CECR2: variants seen among roughly 807,000 people sequenced by gnomAD.
CECR2 encodes the protein chromatin remodeling regulator CECR2.
Under a neutral mutation model 154.5 loss-of-function variants are expected in CECR2, and 30 were observed. The ratio of observed to expected loss-of-function variants is 0.19; its 90% CI spans 0.15 to 0.26. The LOEUF (loss-of-function observed/expected upper bound fraction) is 0.26. Among genes scored for constraint, CECR2 ranks in the 10% least tolerant of loss-of-function variants. The pLI is 1.00. For synonymous variants in CECR2, 725 were observed against 683.7 expected (o/e 1.06, Z -0.94); for missense variants, 1,743 against 1,829.3 (o/e 0.95, Z 0.86).
At chr22:17,424,502 C>G (rs1858758) in intron 1 of CECR2, 87,498 of 154,774 alleles carry the variant, frequency 0.57, 26,381 homozygotes, top group African/African-American at 0.79. Context: ...TGGCCGTTTA[C>G]CATTGCCTGG....
At chr22:17,450,789 C>A (rs1171305094) in intron 1 of CECR2, among the ~76,000 whole-genome samples, 1 of 152,190 alleles carries the variant, frequency 6.6e-6, no homozygotes, top group Non-Finnish European at 1.5e-5. Flanking sequence ...CACACAAAAA[C>A]CTTAGTCTTC....
At chr22:17,410,754 C>G (rs1266560904) in intron 1 of CECR2, among the ~76,000 whole-genome samples, 6 of 152,174 alleles carry the variant, frequency 3.9e-5, no homozygotes, top group African/African-American at 1.2e-4. Flanking sequence ...CCAAAACAAG[C>G]TTTAATTGAA....
chr22:17,371,754 T>G (rs892080719), intron 1 of CECR2, among the ~76,000 whole-genome samples: 6 of 152,282 alleles, frequency 3.9e-5, no homozygotes, highest in African/African-American at 1.4e-4. Context: ...AGTTCAGAGT[T>G]TAAAGACCCA....
Position 17,549,161 on chromosome 22 carries a change from A to G in CECR2, c.3874A>G (p.Ser1292Gly), listed in dbSNP as rs1569159442. 1.2e-6 allele frequency: 2 copies of G among 1,614,028 alleles called. No homozygotes were observed. The highest frequency in any genetic ancestry group is 1.7e-5 in the Admixed American group (1 of 60,024). Residue 1292 changes from serine to glycine, a missense_variant, in exon 17 of 19, where the codon AGT (serine) becomes GGT (glycine). Transcript: ENST00000262608. ...KLDESMERPESPKEFLDLDNH... is the reference protein window; with the variant it reads ...KLDESMERPEGPKEFLDLDNH... The stretch of plus-strand genomic sequence containing the variant: ...GGATGAATCTATGGAGAGGCCAGAG[A>G]GTCCCAAAGAATTTTTAGACCTGGA...
chr22:17,406,875 C>G (rs112040018), intron 1 of CECR2, among the ~76,000 whole-genome samples: 143 of 152,212 alleles, frequency 9.4e-4, no homozygotes, highest in Non-Finnish European at 1.5e-3. Flanking sequence ...TTAAATTAAC[C>G]CTTTACTGCC....
At chr22:17,409,169 T>C (rs1453351042) in intron 1 of CECR2, among the ~76,000 whole-genome samples, 1 of 151,518 alleles carries the variant, frequency 6.6e-6, no homozygotes, top group East Asian at 1.9e-4. Flanking sequence ...AGTCTCACTC[T>C]GTCACCAGGC....
chr22:17,446,451 C>T (rs1256810994), intron 1 of CECR2, among the ~76,000 whole-genome samples: 2 of 152,180 alleles, frequency 1.3e-5, no homozygotes, highest in East Asian at 3.9e-4. Flanking sequence ...GGCGCGGTGG[C>T]TCTTGCCTGT....
chr22:17,530,323 A>G (rs1325475930), intron 9 of CECR2, among the ~76,000 whole-genome samples: 1 of 151,640 alleles, frequency 6.6e-6, no homozygotes, highest in Non-Finnish European at 1.5e-5. Context: ...TTTCAAGGAG[A>G]GGACTCAGAG....
intron 1 of CECR2, among the ~76,000 whole-genome samples, chr22:17,414,221 C>T (rs920023982): frequency 6.6e-6 from 1 of 152,122 alleles, no homozygotes; most frequent in Non-Finnish European, 1.5e-5. Context: ...ATCCGCCCGC[C>T]TTGGCCTCCC....
intron 1 of CECR2, among the ~76,000 whole-genome samples, chr22:17,474,266 T>C (rs766952032): frequency 6.6e-6 from 1 of 152,248 alleles, no homozygotes; most frequent in Non-Finnish European, 1.5e-5. Flanking sequence ...ACAGTAAACA[T>C]AATATCATAG....
chr22:17,401,413 C>T (rs546126858), intron 1 of CECR2, among the ~76,000 whole-genome samples: 16 of 152,222 alleles, frequency 1.1e-4, no homozygotes, highest in African/African-American at 3.4e-4. Context: ...CGAACATGTC[C>T]GCCAACGCCA....
At chr22:17,407,136 A>G (rs1485905597) in intron 1 of CECR2, among the ~76,000 whole-genome samples, 2 of 152,240 alleles carry the variant, frequency 1.3e-5, no homozygotes, top group African/African-American at 4.8e-5. Flanking sequence ...TTGGATAGAA[A>G]CTTAAGATAA....
intron 1 of CECR2, among the ~76,000 whole-genome samples, chr22:17,421,816 G>A (rs1175095996): frequency 6.7e-6 from 1 of 149,832 alleles, no homozygotes; most frequent in Non-Finnish European, 1.5e-5. Flanking sequence ...CCTTCCCTTG[G>A]GTCAGTTAGG....
intron 1 of CECR2, among the ~76,000 whole-genome samples, chr22:17,398,483 G>C (rs1298604129): frequency 6.6e-6 from 1 of 152,186 alleles, no homozygotes; most frequent in East Asian, 1.9e-4. Flanking sequence ...GCCTTCAGAA[G>C]GGAGTTTTTG....
chr22:17,494,894 C>T (rs2055595371), intron 2 of CECR2, among the ~76,000 whole-genome samples: 1 of 151,996 alleles, frequency 6.6e-6, no homozygotes, highest in Non-Finnish European at 1.5e-5. Flanking sequence ...GGGATTTCAC[C>T]ATATTGGCCA....
chr22:17,548,144 G>C lies in CECR2; in HGVS notation c.2861-4G>C. The stretch of plus-strand genomic sequence containing the variant: ...TTTTCTCCTCTTTTTTTTTTTTTTT[G>C]CAGCAGAGCCGTTGCCTGGCCTTGA... On this transcript the variant is annotated splice_region_variant and splice_polypyrimidine_tract_variant and intron_variant, in intron 16 of 18. Coordinates refer to ENST00000262608, the MANE Select transcript of CECR2 (RefSeq NM_001290047.2). 8.3e-7 allele frequency: 1 copy of C among 1,207,414 alleles called. No homozygotes were observed. Among genetic ancestry groups the C allele is most frequent in the South Asian group, 2.3e-5 (1 of 43,222 alleles). 74.8% of individuals were successfully genotyped at this position (1,207,414 alleles called of 1,614,324 possible).
Position 17,482,828 on chromosome 22 carries a change from C to A in CECR2, c.221+5146C>A, listed in dbSNP as rs548272070. On this transcript the variant is annotated intron_variant, in intron 2 of 18. Transcript: ENST00000262608. ...CCCCAGCAGCTGGGACTACAGGTGCCCACCACCACACCTTGCTACTTTTTT... is the reference window on the plus strand; with the variant it reads ...CCCCAGCAGCTGGGACTACAGGTGCACACCACCACACCTTGCTACTTTTTT... 2.0e-5 allele frequency among the ~76,000 whole-genome samples: 3 copies of A among 151,198 alleles called. No homozygotes were observed. The East Asian group carries it at 5.9e-4, about 30-fold the overall frequency.
intron 2 of CECR2, among the ~76,000 whole-genome samples, chr22:17,480,154 A>G (rs2055282088): frequency 6.6e-6 from 1 of 151,796 alleles, no homozygotes; most frequent in African/African-American, 2.4e-5. Context: ...TTGAGTTAGT[A>G]TTCTTTTGAC....
At position 17,447,033 on chromosome 22, in the gene CECR2, C is replaced by CTTTTTTTTTTTTTTTTTTTT. The variant is rs1555910503; in HGVS notation, c.127-30536_127-30535insTTTTTTTTTTTTTTTTTTTT. Among the ~76,000 whole-genome samples the CTTTTTTTTTTTTTTTTTTTT allele has an allele frequency of 1.1e-4, 13 of 114,096 alleles. 1 individual carries two copies. Among genetic ancestry groups the CTTTTTTTTTTTTTTTTTTTT allele is most frequent in the African/African-American group, 3.7e-4 (10 of 26,688 alleles). The allele number at this position is 114,096 out of a possible 152,430, so 74.9% of individuals were successfully genotyped here. On this transcript the variant is annotated intron_variant, in intron 1 of 18. Transcript: ENST00000262608. ...GAGTGCTGAGTGGTGCGTTTACAAT[C>CTTTTTTTTTTTTTTTTTTTT]TTTTTTTTTTTTTTTTTTTGAGACA...
Sources: gnomAD v4.1 joint callset for allele counts (sites outside exome capture counted in the v4.1 genomes callset) on GRCh38, gnomAD v4.1.1 for gene constraint, MANE v1.5 for transcripts, NCBI Gene and HGNC (gene_info 2026-07-23, HGNC 2026-07-21) for gene names.